GRID2: variants seen among roughly 807,000 people sequenced by gnomAD.
GRID2 encodes glutamate receptor ionotropic, delta-2.
Under a neutral mutation model 114.8 loss-of-function variants are expected in GRID2, and 33 were observed. That is an observed-to-expected ratio of 0.29 (90% confidence interval 0.22 to 0.38). The LOEUF (loss-of-function observed/expected upper bound fraction) is 0.38, where lower values mean the gene tolerates loss of function less well. Ranked by LOEUF, GRID2 falls within the 10% of genes least tolerant of loss-of-function variation. The probability of loss-of-function intolerance (pLI) is 1.00; values close to 1 mark genes in which losing one functional copy is unlikely to be tolerated. For missense variants in GRID2, 1,184 were observed against 1,257.7 expected (o/e 0.94, Z 0.89); for synonymous variants, 505 against 449.9 (o/e 1.12, Z -1.55).
At chr4:92,456,053 A>G (rs1239881632) in intron 1 of GRID2, among the ~76,000 whole-genome samples, 1 of 152,068 alleles carries the variant, frequency 6.6e-6, no homozygotes, top group Non-Finnish European at 1.5e-5. Flanking sequence ...ACTTTCTCCC[A>G]TCTTTCCAAG....
intron 2 of GRID2, among the ~76,000 whole-genome samples, chr4:92,928,218 T>C (rs555649198): frequency 1.3e-5 from 2 of 151,684 alleles, no homozygotes; most frequent in Non-Finnish European, 3.0e-5. Flanking sequence ...TACAGCTGTT[T>C]AGACCAATTG....
At chr4:92,784,692 T>G (rs1739238532) in intron 2 of GRID2, among the ~76,000 whole-genome samples, 1 of 151,788 alleles carries the variant, frequency 6.6e-6, no homozygotes, top group Admixed American at 6.6e-5. Flanking sequence ...ACTTAGAAAA[T>G]AAGTTTTTAT....
At chr4:93,583,633 G>A (rs1237013812) in intron 13 of GRID2, among the ~76,000 whole-genome samples, 1 of 152,088 alleles carries the variant, frequency 6.6e-6, no homozygotes, top group African/African-American at 2.4e-5. Context: ...TCAGTAACTT[G>A]ACCAGCATTA....
intron 1 of GRID2, among the ~76,000 whole-genome samples, chr4:92,510,857 T>TCA (rs1183537934): frequency 1.2e-5 from 1 of 83,350 alleles, no homozygotes; most frequent in Non-Finnish European, 2.9e-5. Flanking sequence ...AATGTGTCAA[T>TCA]TAAAAAAAAA....
At chr4:92,719,562 A>G (rs1735713283) in intron 2 of GRID2, among the ~76,000 whole-genome samples, 1 of 152,282 alleles carries the variant, frequency 6.6e-6, no homozygotes, top group South Asian at 2.1e-4. Context: ...AAGAACAGAA[A>G]GTTGACAAAT....
At chr4:92,835,408 A>T (rs988809583) in intron 2 of GRID2, among the ~76,000 whole-genome samples, 1 of 152,168 alleles carries the variant, frequency 6.6e-6, no homozygotes, top group Non-Finnish European at 1.5e-5. Context: ...AGAATATTAT[A>T]AAAATGTTTA....
intron 1 of GRID2, among the ~76,000 whole-genome samples, chr4:92,368,374 G>A (rs1374971157): frequency 6.6e-6 from 1 of 151,932 alleles, no homozygotes; most frequent in African/African-American, 2.4e-5. Flanking sequence ...AATATGATGG[G>A]CCTTTATTTT....
intron 2 of GRID2, among the ~76,000 whole-genome samples, chr4:92,856,468 T>C (rs1456195341): frequency 6.6e-6 from 1 of 152,152 alleles, no homozygotes; most frequent in African/African-American, 2.4e-5. Flanking sequence ...GAAAGCATAA[T>C]AGGGTCAAAA....
intron 1 of GRID2, among the ~76,000 whole-genome samples, chr4:92,541,799 CTTAAT>C (rs1725977169): frequency 6.6e-6 from 1 of 151,842 alleles, no homozygotes; most frequent in African/African-American, 2.4e-5. Flanking sequence ...AAAAAAAAAT[CTTAAT>C]TTACTGTTAG....
intron 14 of GRID2, among the ~76,000 whole-genome samples, chr4:93,731,487 T>G (rs145041599): frequency 6.6e-6 from 1 of 152,296 alleles, no homozygotes; most frequent in East Asian, 1.9e-4. Context: ...TCATCTGATT[T>G]GTAAGGAATT....
chr4:92,794,903 T>C lies in GRID2; in HGVS notation c.244+204617T>C, dbSNP rs868635430. ...ATATATATATATATATATATATATA[T>C]ATACACACACACACACACACACATA... On this transcript the variant is annotated intron_variant, in intron 2 of 15. Coordinates refer to ENST00000282020, the MANE Select transcript of GRID2 (RefSeq NM_001510.4). 1.7e-3 allele frequency among the ~76,000 whole-genome samples: 227 copies of C among 134,202 alleles called. 1 individual carries two copies. The highest frequency in any genetic ancestry group is 5.1e-3 in the African/African-American group (183 of 36,146). 88.0% of individuals were successfully genotyped at this position (134,202 alleles called of 152,430 possible).
intron 13 of GRID2, among the ~76,000 whole-genome samples, chr4:93,528,659 C>T (rs1328693762): frequency 1.3e-5 from 2 of 152,056 alleles, no homozygotes; most frequent in African/African-American, 4.8e-5. Flanking sequence ...CTCAATCTAT[C>T]CCACAAATAT....
intron 4 of GRID2, among the ~76,000 whole-genome samples, chr4:93,184,364 G>A (rs149450520): frequency 1.8e-4 from 28 of 152,194 alleles, no homozygotes; most frequent in East Asian, 3.9e-4. Flanking sequence ...GCCTGTGTCC[G>A]TGTACATTCA....
intron 4 of GRID2, among the ~76,000 whole-genome samples, chr4:93,164,167 A>G (rs1028191776): frequency 2.6e-5 from 4 of 151,978 alleles, no homozygotes; most frequent in Admixed American, 2.6e-4. Context: ...GGGGAAAAAA[A>G]AGGTAATTTA....
At chr4:92,876,268 CTT>C (rs556445319) in intron 2 of GRID2, among the ~76,000 whole-genome samples, 1 of 145,400 alleles carries the variant, frequency 6.9e-6, no homozygotes, top group South Asian at 2.2e-4. Flanking sequence ...ACCCAATTAT[CTT>C]TTTTTTTTAT....
At chr4:93,683,190 G>A (rs2110097324) in intron 14 of GRID2, among the ~76,000 whole-genome samples, 1 of 151,928 alleles carries the variant, frequency 6.6e-6, no homozygotes, top group African/African-American at 2.4e-5. Context: ...CATTTGAATT[G>A]TCCACCATTT....
At chr4:92,611,132 ATGTG>A (rs1165644955) in intron 2 of GRID2, among the ~76,000 whole-genome samples, 2 of 133,660 alleles carry the variant, frequency 1.5e-5, no homozygotes, top group African/African-American at 5.7e-5. Flanking sequence ...GTGTGTGTGC[ATGTG>A]TGTGTGTGCA....
chr4:93,110,102 C>T (rs951658857), intron 3 of GRID2, among the ~76,000 whole-genome samples: 4 of 152,084 alleles, frequency 2.6e-5, no homozygotes, highest in Admixed American at 6.6e-5. Flanking sequence ...ATGTTTTGCA[C>T]ATTAAGTATT....
rs936810517 is a variant in GRID2, at chr4:92,438,680, G to C, written c.88+133936G>C. 2.6e-5 allele frequency among the ~76,000 whole-genome samples: 4 copies of C among 151,942 alleles called. 1 individual carries two copies. The Middle Eastern group carries it at 0.01, about 388-fold the overall frequency. On this transcript the variant is annotated intron_variant, in intron 1 of 15. Coordinates refer to ENST00000282020, the MANE Select transcript of GRID2 (RefSeq NM_001510.4). ...TCCCAACTCTTCGTTGGCTACCATGGAATCTATTTAACTAGTGTCTTCTTT... is the reference window on the plus strand; with the variant it reads ...TCCCAACTCTTCGTTGGCTACCATGCAATCTATTTAACTAGTGTCTTCTTT...
Sources: gnomAD v4.1 joint callset for allele counts (sites outside exome capture counted in the v4.1 genomes callset) on GRCh38, gnomAD v4.1.1 for gene constraint, MANE v1.5 for transcripts, NCBI Gene and HGNC (gene_info 2026-07-23, HGNC 2026-07-21) for gene names.